The following AMBRA1 variants were observed in gnomAD, a reference collection of about 807,000 sequenced individuals.
The protein encoded by AMBRA1 is autophagy and beclin 1 regulator 1, also known as activating molecule in BECN1-regulated autophagy protein 1.
AMBRA1 carries 47 observed loss-of-function variants against 125.4 expected under a neutral mutation model. The ratio of observed to expected loss-of-function variants is 0.37; its 90% CI spans 0.30 to 0.48. The LOEUF (loss-of-function observed/expected upper bound fraction) is 0.48. Among genes scored for constraint, AMBRA1 ranks in the 20% least tolerant of loss-of-function variants. AMBRA1 has a pLI of 0.99. For synonymous variants in AMBRA1, 626 were observed against 655.5 expected, an observed-to-expected ratio of 0.95 and a Z score of 0.69; for missense variants, 1,331 against 1,693.4, an observed-to-expected ratio of 0.79 and a Z score of 3.76.
chr11:46,397,476 G>C lies in AMBRA1; in HGVS notation c.3871C>G (p.Pro1291Ala). 3 of 1,519,858 alleles carry C rather than the reference G, an allele frequency of 2.0e-6. No homozygotes were observed. Among genetic ancestry groups the C allele is most frequent in the Non-Finnish European group, 2.6e-6 (3 of 1,133,098 alleles). 94.1% of individuals were successfully genotyped at this position (1,519,858 alleles called of 1,614,324 possible). ...GGSSRGDAAG[P>A]RGEPRNR is the part of the protein sequence containing the mutation. ...TACCTGTTCCGTGGTTCTCCCCTAG[G>C]GCCTGCAGCGTCCCCCCTGCTGCTG... is the stretch of plus-strand genomic sequence containing the variant. Residue 1291 changes from proline to alanine, a missense_variant, in exon 18 of 18, where the codon CCT (proline) becomes GCT (alanine). By Grantham distance (27) the Pro-to-Ala change is conservative (BLOSUM62 -1). This residue lies in a region of AMBRA1 where 144 missense variants were observed against 133.9 expected (regional missense o/e 1.08). Coordinates refer to ENST00000683756, the MANE Select transcript of AMBRA1 (RefSeq NM_001387011.1).
chr11:46,512,874 T>C (rs975315561), intron 7 of AMBRA1, 61 bp from the exon 8 acceptor site: 1 of 1,464,224 alleles, frequency 6.8e-7, no homozygotes, highest in East Asian at 2.4e-5. Context: ...AGGTCATTCA[T>C]AAGGAAAAAT....
Position 46,509,743 on chromosome 11 carries a change from C to CA in AMBRA1, c.2160-1374dup, listed in dbSNP as rs1333300140. ...ACTAAAATATGTTGCTGTTACTAGG[C>CA]AAAAAAAACTATAAGGGAACAACAC... is the stretch of plus-strand genomic sequence containing the variant. On this transcript the variant is annotated intron_variant, in intron 8 of 17. Coordinates refer to ENST00000683756, the MANE Select transcript of AMBRA1 (RefSeq NM_001387011.1). 1.1e-4 allele frequency among the ~76,000 whole-genome samples: 16 copies of CA among 150,862 alleles called. No homozygotes were observed. In the South Asian group the frequency reaches 2.1e-3, roughly 20 times the overall value.
At position 46,543,145 on chromosome 11, in the gene AMBRA1, C is replaced by T. The variant is rs780718992; in HGVS notation, c.872G>A (p.Arg291Gln). ...AGCTGTGGGGTAACTGACCCGCTGT[C>T]GGAGCCTGATGTAAGCGGAAGTCCT... ...RPRTSAYIRL[R>Q]QRVSYPTAEC... is the part of the protein sequence containing the mutation. The change falls in exon 7 of 18, where the codon CGA (arginine) becomes CAA (glutamine). Residue 291 changes from arginine (R) to glutamine (Q), a missense_variant. This residue lies in a region of AMBRA1 where 689 missense variants were observed against 776.5 expected (regional missense o/e 0.89). Coordinates refer to ENST00000683756, the MANE Select transcript of AMBRA1 (RefSeq NM_001387011.1). The T allele has an allele frequency of 9.6e-6, 15 of 1,557,140 alleles. No homozygotes were observed. Among genetic ancestry groups the T allele is most frequent in the African/African-American group, 1.4e-5 (1 of 73,082 alleles).
At chr11:46,451,328 G>C (rs185074699) in intron 11 of AMBRA1, among the ~76,000 whole-genome samples, 5 of 152,302 alleles carry the variant, frequency 3.3e-5, no homozygotes, top group Non-Finnish European at 7.4e-5. Flanking sequence ...AATGTGTCTA[G>C]GGATAAAATC....
At chr11:46,402,174 C>A (rs1251009502) in intron 17 of AMBRA1, among the ~76,000 whole-genome samples, 2 of 152,130 alleles carry the variant, frequency 1.3e-5, no homozygotes, top group Non-Finnish European at 2.9e-5. Context: ...CCTATAAGTT[C>A]CTGAAGGTCT....
intron 7 of AMBRA1, among the ~76,000 whole-genome samples, chr11:46,526,652 G>A (rs1424741088): frequency 6.6e-6 from 1 of 151,518 alleles, no homozygotes; most frequent in Non-Finnish European, 1.5e-5. Flanking sequence ...TTCTAACTGG[G>A]CCTCCAGATG....
At chr11:46,586,304 G>C (rs1223631787) in intron 1 of AMBRA1, among the ~76,000 whole-genome samples, 1 of 152,134 alleles carries the variant, frequency 6.6e-6, no homozygotes. Context: ...AGCTACTCGG[G>C]AGGCTGAGGC....
intron 10 of AMBRA1, 39 bp downstream of exon 10, chr11:46,494,085 A>C: frequency 6.4e-7 from 1 of 1,557,760 alleles, no homozygotes; most frequent in Non-Finnish European, 8.8e-7. Context: ...CCTAGGCTCT[A>C]ACGAAGGCTC....
intron 11 of AMBRA1, among the ~76,000 whole-genome samples, chr11:46,476,429 C>G (rs895320640): frequency 3.3e-5 from 5 of 152,092 alleles, no homozygotes; most frequent in Admixed American, 3.3e-4. Context: ...TGGGGAGATA[C>G]GTAAAGAGTC....
chr11:46,485,103 A>G (rs1475328180), intron 11 of AMBRA1, among the ~76,000 whole-genome samples: 2 of 151,764 alleles, frequency 1.3e-5, no homozygotes, highest in Non-Finnish European at 2.9e-5. Context: ...ACGCCCGGCT[A>G]ATTTTTGTAT....
Position 46,435,026 on chromosome 11 carries a change from C to T in AMBRA1, c.2644G>A (p.Val882Met). Residue 882 changes from valine (V) to methionine (M), a missense_variant, in exon 13 of 18, where the codon GTG becomes ATG. Transcript: ENST00000683756. The part of the protein sequence containing the change: ...LPEISNASVN[V>M]LVQNCKIYND... ...TAGATCTTGCAGTTCTGCACCAGCA[C>T]ATTCACGGAAGCTGCATCAGACAAA... The T allele has an allele frequency of 2.5e-6, 4 of 1,607,730 alleles. No homozygotes were observed. The highest frequency in any genetic ancestry group is 3.4e-6 in the Non-Finnish European group (4 of 1,176,844).
intron 8 of AMBRA1, among the ~76,000 whole-genome samples, 163 bp downstream of exon 8, chr11:46,512,564 C>T (rs1454657427): frequency 6.6e-6 from 1 of 152,164 alleles, no homozygotes; most frequent in Non-Finnish European, 1.5e-5. Context: ...TGTTCACTTA[C>T]CTGCAATACT....
In AMBRA1 at chr11:46,477,499, GA is replaced by G. The variant is rs982612219; in HGVS notation, c.2521+16108del. On this transcript the variant is annotated intron_variant, in intron 11 of 17. Coordinates refer to ENST00000683756, the MANE Select transcript of AMBRA1 (RefSeq NM_001387011.1). Reference sequence around the variant, plus strand: ...TGCTACCAAGCTCAGCTAATTTCTGGAAAAAAAAAAAAAAAAACTTTTTGTA... The same window carrying G: ...TGCTACCAAGCTCAGCTAATTTCTGGAAAAAAAAAAAAAAAACTTTTTGTA... Among the ~76,000 whole-genome samples the G allele has an allele frequency of 9.0e-3, 1,008 of 112,332 alleles. 4 individuals are homozygous for G. The highest frequency in any genetic ancestry group is 0.017 in the African/African-American group (496 of 29,700). 73.7% of individuals were successfully genotyped at this position (112,332 alleles called of 152,430 possible).
intron 7 of AMBRA1, among the ~76,000 whole-genome samples, chr11:46,530,316 G>A (rs1380492593): frequency 6.6e-6 from 1 of 152,194 alleles, no homozygotes; most frequent in Non-Finnish European, 1.5e-5. Flanking sequence ...CCAGAGAGAG[G>A]AATGATGAGG....
At chr11:46,492,926 G>A (rs1701190971) in intron 11 of AMBRA1, among the ~76,000 whole-genome samples, 1 of 152,182 alleles carries the variant, frequency 6.6e-6, no homozygotes, top group African/African-American at 2.4e-5. Flanking sequence ...GCGGGCACCT[G>A]TAGTCCTAGC....
At chr11:46,559,097 C>T (rs753866537) in intron 1 of AMBRA1, among the ~76,000 whole-genome samples, 2 of 151,976 alleles carry the variant, frequency 1.3e-5, no homozygotes, top group Non-Finnish European at 2.9e-5. Flanking sequence ...GTCAGGAGTT[C>T]GAGACCAGCC....
intron 1 of AMBRA1, among the ~76,000 whole-genome samples, chr11:46,568,808 T>C (rs959511165): frequency 6.9e-6 from 1 of 145,952 alleles, no homozygotes; most frequent in African/African-American, 2.6e-5. Flanking sequence ...CCTACCTTTT[T>C]TTTTTTTTTT....
intron 11 of AMBRA1, among the ~76,000 whole-genome samples, chr11:46,478,648 CTTTTTTTTTTTTTTT>C: frequency 1.2e-5 from 1 of 82,168 alleles, no homozygotes; most frequent in Admixed American, 1.8e-4. Context: ...TCTTTTTTCT[CTTTTTTTTTTTTTTT>C]TTTTTTTGGA....
At chr11:46,457,950 G>A (rs1035989113) in intron 11 of AMBRA1, among the ~76,000 whole-genome samples, 1 of 151,042 alleles carries the variant, frequency 6.6e-6, no homozygotes, top group Non-Finnish European at 1.5e-5. Context: ...GCCCAGCCAT[G>A]CTGTTTTCCT....
Sources: gnomAD v4.1 joint callset for allele counts (sites outside exome capture counted in the v4.1 genomes callset) on GRCh38, gnomAD v4.1.1 for gene constraint, gnomAD v4.1.1 regional missense constraint, MANE v1.5 for transcripts, NCBI Gene and HGNC (gene_info 2026-07-23, HGNC 2026-07-21) for gene names.